The following DPP6 variants were observed in gnomAD, a reference collection of about 807,000 sequenced individuals.
The protein encoded by DPP6 is dipeptidyl peptidase like 6.
A neutral mutation model predicts 122.6 loss-of-function variants in DPP6; 69 were observed. The ratio of observed to expected loss-of-function variants is 0.56; its 90% CI spans 0.46 to 0.69. DPP6 has a LOEUF of 0.69. Among genes scored for constraint, DPP6 ranks in the 30% least tolerant of loss-of-function variants. DPP6 has a pLI of 0.00. For synonymous variants in DPP6, 418 were observed against 433.1 expected, an observed-to-expected ratio of 0.97 and a Z score of 0.43; for missense variants, 928 against 1,116.9, an observed-to-expected ratio of 0.83 and a Z score of 2.41.
chr7:154,281,304 C>T (rs1326306439), intron 1 of DPP6, among the ~76,000 whole-genome samples: 2 of 152,112 alleles, frequency 1.3e-5, no homozygotes, highest in East Asian at 1.9e-4. Flanking sequence ...TAAGCCGCTG[C>T]GCCCAGCCTA....
intron 1 of DPP6, among the ~76,000 whole-genome samples, chr7:154,421,367 G>C (rs1369815404): frequency 6.6e-6 from 1 of 150,482 alleles, no homozygotes; most frequent in Admixed American, 6.6e-5. Flanking sequence ...TTCTTACCCA[G>C]GCTGGAATGC....
At chr7:154,150,450 A>G (rs910823501) in intron 1 of DPP6, among the ~76,000 whole-genome samples, 1 of 152,192 alleles carries the variant, frequency 6.6e-6, no homozygotes, top group South Asian at 2.1e-4. Flanking sequence ...GGGAGGATAT[A>G]CTGAAAAACA....
At chr7:154,229,228 T>C (rs1015960116) in intron 1 of DPP6, among the ~76,000 whole-genome samples, 53 of 152,214 alleles carry the variant, frequency 3.5e-4, no homozygotes, top group Admixed American at 7.2e-4. Flanking sequence ...CTTCCACCTC[T>C]TGGTAGCCAT....
chr7:154,322,438 G>A (rs75317956), intron 1 of DPP6, among the ~76,000 whole-genome samples: 1 of 152,280 alleles, frequency 6.6e-6, no homozygotes, highest in Non-Finnish European at 1.5e-5. Flanking sequence ...GTCAACTACC[G>A]AAGGAAGACA....
At chr7:154,093,015 C>T (rs970851069) in intron 1 of DPP6, 1 of 152,006 alleles carries the variant, frequency 6.6e-6, no homozygotes, top group Non-Finnish European at 1.5e-5. Flanking sequence ...AGTACATGGG[C>T]AGGTGAGGCA....
chr7:154,061,720 G>GA (rs1280548018), intron 1 of DPP6, among the ~76,000 whole-genome samples: 1 of 84,914 alleles, frequency 1.2e-5, no homozygotes, highest in Non-Finnish European at 2.7e-5. Flanking sequence ...ATCCCCGCGA[G>GA]GCGGGGACTG....
intron 1 of DPP6, among the ~76,000 whole-genome samples, chr7:154,432,900 A>G (rs569012689): frequency 2.0e-4 from 31 of 152,286 alleles, no homozygotes; most frequent in Middle Eastern, 6.8e-3. Flanking sequence ...TGGTAGTTAA[A>G]TAAGTCCAGT....
At chr7:154,240,821 G>A (rs1801544526) in intron 1 of DPP6, among the ~76,000 whole-genome samples, 1 of 152,146 alleles carries the variant, frequency 6.6e-6, no homozygotes, top group South Asian at 2.1e-4. Flanking sequence ...AACAATGACA[G>A]TTTCTTAATT....
chr7:154,832,507 G>C (rs976757091), intron 16 of DPP6, among the ~76,000 whole-genome samples: 1 of 152,158 alleles, frequency 6.6e-6, no homozygotes, highest in Non-Finnish European at 1.5e-5. Context: ...TCCCTTCCCA[G>C]TAGCAAAGCC....
chr7:153,827,692 C>G, the DPP6 span, among the ~76,000 whole-genome samples: 1 of 152,106 alleles, frequency 6.6e-6, no homozygotes, highest in African/African-American at 2.4e-5. Context: ...GAGTCCACTT[C>G]TGGTGCCACA....
intron 1 of DPP6, among the ~76,000 whole-genome samples, chr7:154,361,234 G>T (rs1249216731): frequency 2.6e-5 from 4 of 152,182 alleles, no homozygotes; most frequent in African/African-American, 9.7e-5. Flanking sequence ...GTCACTGCAA[G>T]ATTGATTTCT....
chr7:154,468,415 TA>T (rs1480960437), intron 2 of DPP6, among the ~76,000 whole-genome samples: 1 of 152,190 alleles, frequency 6.6e-6, no homozygotes, highest in African/African-American at 2.4e-5. Flanking sequence ...CTGAACATAC[TA>T]AAACCATTGT....
intron 3 of DPP6, among the ~76,000 whole-genome samples, chr7:154,526,786 T>A (rs1827440302): frequency 1.3e-5 from 2 of 152,312 alleles, no homozygotes; most frequent in African/African-American, 4.8e-5. Flanking sequence ...AAAATCACTC[T>A]TCATGAGAGG....
At chr7:153,749,275 T>A in the DPP6 span, among the ~76,000 whole-genome samples, 1 of 152,058 alleles carries the variant, frequency 6.6e-6, no homozygotes, top group African/African-American at 2.4e-5. The surrounding 1 kb of genome is among the most constrained non-coding windows in gnomAD (Gnocchi z 4.1). Context: ...GGGCTGGAGA[T>A]CCTACCCTGC....
chr7:154,207,288 T>C (rs2150799666), intron 1 of DPP6, among the ~76,000 whole-genome samples: 1 of 152,348 alleles, frequency 6.6e-6, no homozygotes, highest in East Asian at 1.9e-4. Flanking sequence ...TTTGCAATTG[T>C]AATGCCGTTG....
In DPP6 at chr7:154,604,308, A is replaced by G. The variant is rs1282879237; in HGVS notation, c.628-33513A>G. The stretch of plus-strand genomic sequence containing the variant: ...TATCTATCCTTACACAATACCACAC[A>G]TTAGACATTCTATAGCTTTATGACA... On this transcript the variant is annotated intron_variant, in intron 5 of 25. Coordinates refer to ENST00000377770, the MANE Select transcript of DPP6 (RefSeq NM_130797.4). 2.5e-5 allele frequency among the ~76,000 whole-genome samples: 3 copies of G among 120,326 alleles called. 1 individual carries two copies. Among genetic ancestry groups the G allele is most frequent in the Non-Finnish European group, 5.6e-5 (3 of 53,468 alleles). The allele number at this position is 120,326 out of a possible 152,430, so 78.9% of individuals were successfully genotyped here. A position where few individuals can be genotyped will look rare whatever the true frequency, so the allele number is the denominator to read the frequency against.
chr7:153,836,341 G>A, the DPP6 span, among the ~76,000 whole-genome samples: 16 of 152,256 alleles, frequency 1.1e-4, no homozygotes, highest in East Asian at 7.7e-4. Flanking sequence ...GCATTTGTAC[G>A]TGGGGTGGGG....
chr7:154,013,188 A>G (rs1585175267), intron 1 of DPP6, among the ~76,000 whole-genome samples: 1 of 152,228 alleles, frequency 6.6e-6, no homozygotes, highest in African/African-American at 2.4e-5. Context: ...CCTGTAGCGT[A>G]TGTAATCCCC....
chr7:154,838,179 T>G (rs779414306), intron 16 of DPP6, among the ~76,000 whole-genome samples: 4 of 152,206 alleles, frequency 2.6e-5, no homozygotes, highest in Non-Finnish European at 5.9e-5. Flanking sequence ...AATTCTTAAA[T>G]AATTCATGGA....
Sources: allele counts gnomAD v4.1 joint callset (sites outside exome capture counted in the v4.1 genomes callset), GRCh38; gene constraint gnomAD v4.1.1; non-coding constraint Gnocchi (gnomAD v3.1); transcripts MANE v1.5; gene names NCBI Gene and HGNC (gene_info 2026-07-23, HGNC 2026-07-21).